The following ARL15 variants were observed in gnomAD, a reference collection of about 807,000 sequenced individuals.
ARL15 encodes ADP-ribosylation factor-like protein 15.
Under a neutral mutation model 25.2 loss-of-function variants are expected in ARL15, and 19 were observed. The ratio of observed to expected loss-of-function variants is 0.75; its 90% CI spans 0.53 to 1.10. ARL15 has a LOEUF of 1.10. Among genes scored for constraint, ARL15 ranks in the 50% least tolerant of loss-of-function variants. The probability of loss-of-function intolerance (pLI) is 0.00; values close to 1 mark genes in which losing one functional copy is unlikely to be tolerated. For missense variants in ARL15, 220 were observed against 246.0 expected (o/e 0.89, Z 0.71); for synonymous variants, 94 against 86.8 (o/e 1.08, Z -0.46).
intron 4 of ARL15, among the ~76,000 whole-genome samples, chr5:53,964,598 G>C (rs562302127): frequency 6.6e-6 from 1 of 152,118 alleles, no homozygotes; most frequent in Non-Finnish European, 1.5e-5. Flanking sequence ...CTGACCTCGT[G>C]ATCCGCCCAC....
At chr5:53,958,542 T>C (rs996040744) in intron 4 of ARL15, among the ~76,000 whole-genome samples, 2 of 151,918 alleles carry the variant, frequency 1.3e-5, no homozygotes, top group Admixed American at 6.6e-5. Context: ...AGAAAACAAA[T>C]AGCAAAAAGG....
chr5:54,245,735 C>G (rs547476496), intron 1 of ARL15, among the ~76,000 whole-genome samples: 19 of 152,076 alleles, frequency 1.2e-4, no homozygotes, highest in Non-Finnish European at 2.6e-4. Context: ...TTACAGACAT[C>G]TGCCACCATG....
chr5:54,280,543 G>A (rs962875419), intron 1 of ARL15, among the ~76,000 whole-genome samples: 4 of 152,174 alleles, frequency 2.6e-5, no homozygotes, highest in African/African-American at 7.2e-5. Flanking sequence ...ACCAGACGTT[G>A]TGCAAGGTAT....
At chr5:54,018,518 A>G (rs2111825284) in intron 4 of ARL15, among the ~76,000 whole-genome samples, 1 of 152,366 alleles carries the variant, frequency 6.6e-6, no homozygotes, top group East Asian at 1.9e-4. Flanking sequence ...CCTTCTGCCC[A>G]AATGTGCATC....
At chr5:54,256,407 T>A (rs1369194675) in intron 1 of ARL15, among the ~76,000 whole-genome samples, 1 of 90,340 alleles carries the variant, frequency 1.1e-5, no homozygotes, top group African/African-American at 4.3e-5. Context: ...CAAGATCGAA[T>A]CAGTTTAAAA....
rs76534694 is a variant in ARL15, at chr5:54,162,560, G to A, written c.194-7921C>T. ...AATAACATCCTACCTGAGTTATGACGTTTACTTATATATGGACCTCTGCAT... is the reference window on the plus strand; with the variant it reads ...AATAACATCCTACCTGAGTTATGACATTTACTTATATATGGACCTCTGCAT... On this transcript the variant is annotated intron_variant, in intron 2 of 4. Transcript: ENST00000504924. Among the ~76,000 whole-genome samples, 447 of 152,160 alleles carry A rather than the reference G, an allele frequency of 2.9e-3. 1 individual carries two copies. The highest frequency in any genetic ancestry group is 4.9e-3 in the Non-Finnish European group (331 of 67,998).
chr5:54,015,790 C>A (rs1749408481), intron 4 of ARL15, among the ~76,000 whole-genome samples: 1 of 152,018 alleles, frequency 6.6e-6, no homozygotes, highest in African/African-American at 2.4e-5. Flanking sequence ...ATGTGCAACC[C>A]CAAAATACAC....
At chr5:54,038,246 A>G (rs1750231894) in intron 4 of ARL15, among the ~76,000 whole-genome samples, 1 of 152,148 alleles carries the variant, frequency 6.6e-6, no homozygotes, top group Non-Finnish European at 1.5e-5. Context: ...ATGCACTGCA[A>G]TAATGGCATA....
intron 1 of ARL15, among the ~76,000 whole-genome samples, chr5:54,286,518 C>T (rs553757357): frequency 6.6e-6 from 1 of 152,174 alleles, no homozygotes; most frequent in African/African-American, 2.4e-5. Context: ...GCAGAAATAA[C>T]CTGAGATTTG....
chr5:54,029,082 G>A (rs1240628445), intron 4 of ARL15, among the ~76,000 whole-genome samples: 1 of 151,872 alleles, frequency 6.6e-6, no homozygotes, highest in African/African-American at 2.4e-5. Flanking sequence ...GCTGCAAATA[G>A]TTGTTTTAGA....
chr5:54,161,786 A>G (rs1425159794), intron 2 of ARL15, among the ~76,000 whole-genome samples: 1 of 152,086 alleles, frequency 6.6e-6, no homozygotes, highest in Non-Finnish European at 1.5e-5. Context: ...AAATTTTTAT[A>G]TAGTTAAGTT....
chr5:54,141,253 A>G (rs1471655990), intron 3 of ARL15, among the ~76,000 whole-genome samples: 2 of 152,094 alleles, frequency 1.3e-5, no homozygotes, highest in African/African-American at 4.8e-5. Context: ...TGATTTGATA[A>G]TTTCTTTATC....
chr5:53,953,262 A>C (rs1747037591), intron 4 of ARL15, among the ~76,000 whole-genome samples: 1 of 152,184 alleles, frequency 6.6e-6, no homozygotes, highest in African/African-American at 2.4e-5. Context: ...TTATCCATAA[A>C]ATAAATGAGA....
chr5:54,043,217 A>G (rs980451408), intron 4 of ARL15, among the ~76,000 whole-genome samples: 1 of 147,090 alleles, frequency 6.8e-6, no homozygotes, highest in African/African-American at 2.5e-5. Flanking sequence ...TTTTTTTTTT[A>G]GTACTTTATA....
At chr5:53,897,083 CT>C (rs1397525789) in intron 4 of ARL15, among the ~76,000 whole-genome samples, 1 of 152,118 alleles carries the variant, frequency 6.6e-6, no homozygotes, top group African/African-American at 2.4e-5. Context: ...ATTCCATTTT[CT>C]TTTACTGATA....
chr5:53,976,920 T>C (rs1747943917), intron 4 of ARL15, among the ~76,000 whole-genome samples: 1 of 152,208 alleles, frequency 6.6e-6, no homozygotes, highest in Non-Finnish European at 1.5e-5. Context: ...TAGTGATTTG[T>C]CTCTGGACTA....
intron 4 of ARL15, among the ~76,000 whole-genome samples, chr5:54,017,126 T>C (rs1340321659): frequency 6.6e-6 from 1 of 152,190 alleles, no homozygotes; most frequent in Non-Finnish European, 1.5e-5. Flanking sequence ...TGAAACATCA[T>C]AACAACAATG....
intron 4 of ARL15, among the ~76,000 whole-genome samples, chr5:53,921,076 T>C (rs1745845991): frequency 6.6e-6 from 1 of 152,202 alleles, no homozygotes; most frequent in African/African-American, 2.4e-5. Context: ...TGAGGTGACC[T>C]ACAGTGGCAA....
intron 4 of ARL15, among the ~76,000 whole-genome samples, chr5:54,076,158 T>C (rs1013799303): frequency 5.3e-5 from 8 of 152,102 alleles, no homozygotes; most frequent in Non-Finnish European, 1.0e-4. Context: ...GGCTCACGGC[T>C]GTAATCCCAG....
Sources: allele counts gnomAD v4.1 joint callset (sites outside exome capture counted in the v4.1 genomes callset), GRCh38; gene constraint gnomAD v4.1.1; transcripts MANE v1.5; gene names NCBI Gene and HGNC (gene_info 2026-07-23, HGNC 2026-07-21).